GRM3: variants seen among roughly 807,000 people sequenced by gnomAD.
GRM3 encodes the protein metabotropic glutamate receptor 3.
Under a neutral mutation model 70.5 loss-of-function variants are expected in GRM3, and 26 were observed. The observed-to-expected ratio is 0.37, with a 90% CI of 0.27 to 0.51. The LOEUF (loss-of-function observed/expected upper bound fraction) is 0.51, where lower values mean the gene tolerates loss of function less well. Ranked by LOEUF, GRM3 falls within the 20% of genes least tolerant of loss-of-function variation. The pLI is 0.93. For synonymous variants in GRM3, 443 were observed against 434.9 expected (o/e 1.02, Z -0.23); for missense variants, 859 against 1,123.8 (o/e 0.76, Z 3.37).
chr7:86,723,617 G>T lies in GRM3; in HGVS notation c.-140-41389G>T, dbSNP rs144316911. On this transcript the variant is annotated intron_variant, in intron 1 of 5. Transcript: ENST00000361669. ...CTAAAATATATTTGCAGCTCATTGT[G>T]ATGATGTAAGTTGTGAGACTATTCA... 3.9e-3 allele frequency among the ~76,000 whole-genome samples: 590 copies of T among 152,320 alleles called. 4 individuals are homozygous for T. Among genetic ancestry groups the T allele is most frequent in the African/African-American group, 0.013 (560 of 41,582 alleles).
chr7:86,690,675 A>C (rs1273823864), intron 1 of GRM3, among the ~76,000 whole-genome samples: 1 of 152,096 alleles, frequency 6.6e-6, no homozygotes, highest in African/African-American at 2.4e-5. Flanking sequence ...TGGGATTGAG[A>C]GTGCTAGTAG....
At chr7:86,730,265 C>T (rs1018464722) in intron 1 of GRM3, among the ~76,000 whole-genome samples, 2 of 152,034 alleles carry the variant, frequency 1.3e-5, no homozygotes, top group Admixed American at 1.3e-4. Context: ...ACTGAAAATA[C>T]AAAAATTAGC....
Position 86,667,120 on chromosome 7 carries a change from A to G in GRM3, c.-141+22248A>G, listed in dbSNP as rs575900542. Among the ~76,000 whole-genome samples the G allele has an allele frequency of 2.0e-5, 3 of 152,236 alleles. No individual in the cohort carries two copies. The South Asian group carries it at 6.2e-4, about 32-fold the overall frequency. On this transcript the variant is annotated intron_variant, in intron 1 of 5. Transcript: ENST00000361669. Reference sequence around the variant, plus strand: ...GACTTGTGGATCTTCTCTATTGCAAATATCAAAATCCCTGAAAATTATTTT... The same window carrying G: ...GACTTGTGGATCTTCTCTATTGCAAGTATCAAAATCCCTGAAAATTATTTT...
intron 3 of GRM3, among the ~76,000 whole-genome samples, chr7:86,837,554 G>A (rs565620837): frequency 6.6e-6 from 1 of 152,286 alleles, no homozygotes; most frequent in African/African-American, 2.4e-5. Flanking sequence ...GTGTCCCTGT[G>A]ACTAATTTCT....
At chr7:86,769,276 G>A (rs1016957312) in intron 2 of GRM3, among the ~76,000 whole-genome samples, 16 of 151,868 alleles carry the variant, frequency 1.1e-4, no homozygotes, top group African/African-American at 1.7e-4. Flanking sequence ...GAACTGAGCC[G>A]GGGGAAAAAA....
chr7:86,801,245 AT>A (rs1351160011), intron 3 of GRM3, among the ~76,000 whole-genome samples: 1 of 151,748 alleles, frequency 6.6e-6, no homozygotes, highest in Non-Finnish European at 1.5e-5. Flanking sequence ...AAATTTTTGT[AT>A]TTTTAGTCGA....
At chr7:86,740,909 G>A (rs998134026) in intron 1 of GRM3, among the ~76,000 whole-genome samples, 16 of 152,056 alleles carry the variant, frequency 1.1e-4, no homozygotes, top group Admixed American at 7.2e-4. Flanking sequence ...TGTGGAGCAC[G>A]TCCGCTGAAG....
intron 2 of GRM3, chr7:86,784,282 G>A (rs1438116800): frequency 6.6e-6 from 1 of 151,964 alleles, no homozygotes; most frequent in Non-Finnish European, 1.5e-5. Context: ...AGCAGTTTAG[G>A]ATTGTTTCAC....
At chr7:86,806,614 A>G (rs908235738) in intron 3 of GRM3, among the ~76,000 whole-genome samples, 5 of 152,072 alleles carry the variant, frequency 3.3e-5, no homozygotes, top group African/African-American at 9.7e-5. Context: ...TTATTCTTGT[A>G]AATTTGTTTC....
chr7:86,843,711 A>G (rs954543380), intron 4 of GRM3, among the ~76,000 whole-genome samples: 3 of 152,174 alleles, frequency 2.0e-5, no homozygotes, highest in Admixed American at 6.6e-5. Context: ...GGCCTTGGAG[A>G]TACTGTTATC....
intron 2 of GRM3, chr7:86,785,959 C>T (rs1369122628): frequency 8.9e-6 from 2 of 225,064 alleles, no homozygotes; most frequent in East Asian, 2.0e-4. Flanking sequence ...AGCCCATGGA[C>T]AGGTTTTATC....
chr7:86,703,183 T>C (rs1031900225), intron 1 of GRM3, among the ~76,000 whole-genome samples: 2 of 151,938 alleles, frequency 1.3e-5, no homozygotes, highest in Non-Finnish European at 2.9e-5. Flanking sequence ...TTCATTTAAA[T>C]TTAAATTTTA....
chr7:86,687,034 T>A (rs1794584536), intron 1 of GRM3, among the ~76,000 whole-genome samples: 1 of 151,828 alleles, frequency 6.6e-6, no homozygotes, highest in Admixed American at 6.6e-5. Flanking sequence ...ACTAAAGACA[T>A]GTCAATAAAA....
chr7:86,821,351 TTAC>T (rs1436804932), intron 3 of GRM3, among the ~76,000 whole-genome samples: 3 of 152,060 alleles, frequency 2.0e-5, no homozygotes, highest in Non-Finnish European at 4.4e-5. Context: ...AGCACAGTGG[TTAC>T]ACAGTGGTGG....
intron 1 of GRM3, among the ~76,000 whole-genome samples, chr7:86,719,306 T>C (rs1312076264): frequency 6.6e-6 from 1 of 151,872 alleles, no homozygotes; most frequent in Non-Finnish European, 1.5e-5. Context: ...ATAAACAAAG[T>C]TTTTCTACTC....
At chr7:86,828,111 C>CAAAAAAAAAAAAAAAAAAAA (rs55645713) in intron 3 of GRM3, among the ~76,000 whole-genome samples, 1 of 68,304 alleles carries the variant, frequency 1.5e-5, no homozygotes, top group African/African-American at 5.4e-5. Context: ...AACTCCGTAT[C>CAAAAAAAAAAAAAAAAAAAA]AAAAAAAAAA....
At chr7:86,695,342 G>C (rs903853915) in intron 1 of GRM3, among the ~76,000 whole-genome samples, 9 of 152,198 alleles carry the variant, frequency 5.9e-5, no homozygotes, top group African/African-American at 2.2e-4. Context: ...GAAAATTAAA[G>C]TTATATAATC....
intron 3 of GRM3, 30 bp from the exon 4 acceptor site, chr7:86,838,809 C>CT (rs759963146): frequency 5.6e-5 from 73 of 1,315,310 alleles, no homozygotes; most frequent in East Asian, 1.4e-4. Context: ...AACAAGTGTT[C>CT]TTTTTTTTCT....
At chr7:86,675,587 T>C (rs1031318385) in intron 1 of GRM3, among the ~76,000 whole-genome samples, 8 of 151,980 alleles carry the variant, frequency 5.3e-5, no homozygotes, top group Non-Finnish European at 1.2e-4. Context: ...AGCTTGCAAA[T>C]AGGGTTAGGA....
Sources: allele counts gnomAD v4.1 joint callset (sites outside exome capture counted in the v4.1 genomes callset), GRCh38; gene constraint gnomAD v4.1.1; transcripts MANE v1.5; gene names NCBI Gene and HGNC (gene_info 2026-07-23, HGNC 2026-07-21).